The following ZNF521 variants were observed in gnomAD, a reference collection of about 807,000 sequenced individuals.
ZNF521 encodes zinc finger protein 521.
In ZNF521, 14 loss-of-function variants were observed where a neutral mutation model predicts 105.5. The observed-to-expected ratio is 0.13, with a 90% confidence interval of 0.09 to 0.21. ZNF521 has a LOEUF of 0.21. Among genes scored for constraint, ZNF521 ranks in the 10% least tolerant of loss-of-function variants. The pLI is 1.00. For synonymous variants in ZNF521, 635 were observed against 606.0 expected, an observed-to-expected ratio of 1.05 and a Z score of -0.70; for missense variants, 1,233 against 1,629.7, an observed-to-expected ratio of 0.76 and a Z score of 4.19.
chr18:25,248,019 G>A (rs890913738), intron 3 of ZNF521, among the ~76,000 whole-genome samples: 8 of 152,122 alleles, frequency 5.3e-5, no homozygotes, highest in African/African-American at 1.9e-4. Context: ...TTGGTTTACT[G>A]CAAATATTTG....
chr18:25,328,402 AAC>A (rs57967888), intron 2 of ZNF521, among the ~76,000 whole-genome samples: 19,635 of 141,366 alleles, frequency 0.14, 1,287 homozygotes, highest in Admixed American at 0.16. Context: ...GGGGAGGTTA[AAC>A]ACACACACAC....
intron 7 of ZNF521, among the ~76,000 whole-genome samples, chr18:25,086,729 A>T (rs2033631493): frequency 6.6e-6 from 1 of 152,168 alleles, no homozygotes; most frequent in African/African-American, 2.4e-5. Context: ...GGGATTGGAA[A>T]TATAAGGCTC....
intron 5 of ZNF521, among the ~76,000 whole-genome samples, chr18:25,167,792 G>C (rs1316943277): frequency 2.0e-5 from 3 of 152,146 alleles, no homozygotes; most frequent in Non-Finnish European, 4.4e-5. Context: ...TGAACGGAGA[G>C]AAAGCAAGAA....
chr18:25,309,559 G>A (rs960160556), intron 3 of ZNF521, among the ~76,000 whole-genome samples: 2 of 152,118 alleles, frequency 1.3e-5, no homozygotes, highest in African/African-American at 4.8e-5. Context: ...ATGTAATATT[G>A]AATATAAATA....
At chr18:25,170,508 T>C (rs958628608) in intron 5 of ZNF521, among the ~76,000 whole-genome samples, 2 of 152,164 alleles carry the variant, frequency 1.3e-5, no homozygotes, top group Admixed American at 6.5e-5. Flanking sequence ...ATAGTCATTC[T>C]TCATCCTCTC....
chr18:25,262,592 C>A (rs762878292), intron 3 of ZNF521, among the ~76,000 whole-genome samples: 1 of 152,112 alleles, frequency 6.6e-6, no homozygotes, highest in Non-Finnish European at 1.5e-5. Flanking sequence ...AGAATCTCTG[C>A]CCTCATGAAA....
At chr18:25,069,287 T>C (rs541408200) in intron 7 of ZNF521, among the ~76,000 whole-genome samples, 215 of 152,290 alleles carry the variant, frequency 1.4e-3, no homozygotes, top group African/African-American at 5.0e-3. Flanking sequence ...TCCTGGGTTA[T>C]TTCCCCTGAA....
At chr18:25,282,578 C>T (rs1910449015) in intron 3 of ZNF521, among the ~76,000 whole-genome samples, 1 of 152,026 alleles carries the variant, frequency 6.6e-6, no homozygotes, top group Admixed American at 6.6e-5. Flanking sequence ...ATGGTGGGGA[C>T]AGGGAAATGA....
Position 25,152,347 on chromosome 18 carries a change from C to T in ZNF521, c.3658+42813G>A, listed in dbSNP as rs562968442. Among the ~76,000 whole-genome samples the T allele has an allele frequency of 3.9e-4, 60 of 151,932 alleles. 1 individual carries two copies. The highest frequency in any genetic ancestry group is 8.2e-4 in the African/African-American group (34 of 41,418). ...AACAAAAATTAACCTGGCGTGGTGGCGCACACCTGTGGTCCCAGCTACTCG... is the reference window on the plus strand; with the variant it reads ...AACAAAAATTAACCTGGCGTGGTGGTGCACACCTGTGGTCCCAGCTACTCG... On this transcript the variant is annotated intron_variant, in intron 5 of 7. Coordinates refer to ENST00000361524, the MANE Select transcript of ZNF521 (RefSeq NM_015461.3).
At chr18:25,278,691 A>G (rs1377734707) in intron 3 of ZNF521, among the ~76,000 whole-genome samples, 1 of 152,188 alleles carries the variant, frequency 6.6e-6, no homozygotes, top group Non-Finnish European at 1.5e-5. Flanking sequence ...TTGCACTGTA[A>G]TTTAAAGTGA....
chr18:25,163,656 G>A (rs992128840), intron 5 of ZNF521, among the ~76,000 whole-genome samples: 14 of 152,286 alleles, frequency 9.2e-5, no homozygotes, highest in Admixed American at 7.9e-4. Flanking sequence ...CATGGCTAAA[G>A]GTAAACTGCC....
At chr18:25,267,534 T>C (rs1031860757) in intron 3 of ZNF521, among the ~76,000 whole-genome samples, 8 of 152,116 alleles carry the variant, frequency 5.3e-5, no homozygotes, top group East Asian at 1.9e-4. Context: ...AGAGTTCTGA[T>C]TGGCATCTGG....
chr18:25,191,580 T>G (rs2035819552), intron 5 of ZNF521, among the ~76,000 whole-genome samples: 1 of 152,212 alleles, frequency 6.6e-6, no homozygotes, highest in Non-Finnish European at 1.5e-5. Context: ...GATCGAAATT[T>G]CTTTCTAACT....
intron 5 of ZNF521, among the ~76,000 whole-genome samples, chr18:25,134,365 C>G (rs1419925945): frequency 6.6e-6 from 1 of 152,172 alleles, no homozygotes; most frequent in Non-Finnish European, 1.5e-5. Flanking sequence ...ACCACCATAG[C>G]TACTGCTCAG....
intron 3 of ZNF521, among the ~76,000 whole-genome samples, chr18:25,303,249 AAAAG>A (rs1911743036): frequency 6.6e-6 from 1 of 151,708 alleles, no homozygotes; most frequent in Non-Finnish European, 1.5e-5. Context: ...TGTGAAAAAA[AAAAG>A]AAACTCTTTC....
At chr18:25,150,883 T>C (rs1056680561) in intron 5 of ZNF521, among the ~76,000 whole-genome samples, 19 of 140,676 alleles carry the variant, frequency 1.4e-4, no homozygotes, top group African/African-American at 4.5e-4. Context: ...TCTTTTTTTT[T>C]CTTTTTTCTT....
rs140965414 is a variant in ZNF521 at position 25,190,447 on chromosome 18, A to G, written c.3658+4713T>C. Among the ~76,000 whole-genome samples, 511 of 152,300 alleles carry G rather than the reference A, an allele frequency of 3.4e-3. 3 individuals carry two copies. Among genetic ancestry groups the G allele is most frequent in the African/African-American group, 0.012 (485 of 41,572 alleles). ...AACCAGTCGGTGAAAGCAAGAGTTT[A>G]AAGGGAGACATGGACCTTTCTCTTC... On this transcript the variant is annotated intron_variant, in intron 5 of 7. Transcript: ENST00000361524.
In ZNF521 at chr18:25,287,027, G is replaced by A. The variant is rs562306927; in HGVS notation, c.220+34981C>T. Among the ~76,000 whole-genome samples the A allele has an allele frequency of 1.2e-4, 18 of 152,294 alleles. No individual in the cohort carries two copies. The South Asian group carries it at 3.5e-3, about 30-fold the overall frequency. ...GACCAGACATGGACTTTGGGGACAG[G>A]AGAAGAAAATGGCCCATTTTTCTTA... On this transcript the variant is annotated intron_variant, in intron 3 of 7. Coordinates refer to ENST00000361524, the MANE Select transcript of ZNF521 (RefSeq NM_015461.3).
intron 2 of ZNF521, among the ~76,000 whole-genome samples, chr18:25,338,117 C>T (rs1409297625): frequency 2.0e-5 from 3 of 152,118 alleles, no homozygotes; most frequent in Admixed American, 1.3e-4. Context: ...CTCTGTCTAA[C>T]CATGGAACAG....
Sources: gnomAD v4.1 joint callset for allele counts (sites outside exome capture counted in the v4.1 genomes callset) on GRCh38, gnomAD v4.1.1 for gene constraint, MANE v1.5 for transcripts, NCBI Gene and HGNC (gene_info 2026-07-23, HGNC 2026-07-21) for gene names.